The following SRRM3 variants were observed in gnomAD, a reference collection of about 807,000 sequenced individuals.
SRRM3 encodes serine/arginine repetitive matrix 3, also known as serine/arginine repetitive matrix protein 3.
In SRRM3, 27 loss-of-function variants were observed where a neutral mutation model predicts 66.2. The ratio of observed to expected loss-of-function variants is 0.41; its 90% CI spans 0.30 to 0.56. The LOEUF is 0.56. Among genes scored for constraint, SRRM3 ranks in the 20% least tolerant of loss-of-function variants. The pLI, the probability that SRRM3 is intolerant of heterozygous loss-of-function variation, is 0.32. For synonymous variants in SRRM3, 391 were observed against 414.9 expected, an observed-to-expected ratio of 0.94 and a Z score of 0.70; for missense variants, 918 against 991.9, an observed-to-expected ratio of 0.93 and a Z score of 1.00.
intron 2 of SRRM3, among the ~76,000 whole-genome samples, chr7:76,240,688 C>T (rs1247876131): frequency 3.3e-5 from 5 of 152,142 alleles, no homozygotes; most frequent in African/African-American, 1.2e-4. Flanking sequence ...TCACCCTACT[C>T]CTGTCCCAGA....
intron 11 of SRRM3, among the ~76,000 whole-genome samples, chr7:76,279,242 G>C (rs1202109995): frequency 6.6e-6 from 1 of 152,110 alleles, no homozygotes; most frequent in Non-Finnish European, 1.5e-5. Context: ...CTGAGAGACA[G>C]AGTGAGATGC....
intron 3 of SRRM3, among the ~76,000 whole-genome samples, chr7:76,257,687 C>T (rs1049293528): frequency 2.0e-5 from 3 of 151,542 alleles, no homozygotes; most frequent in South Asian, 2.1e-4. Context: ...GTGGGAGGAT[C>T]GCTTGAGGCC....
At chr7:76,222,645 G>A (rs1563611526) in intron 1 of SRRM3, among the ~76,000 whole-genome samples, 1 of 151,648 alleles carries the variant, frequency 6.6e-6, no homozygotes, top group Non-Finnish European at 1.5e-5. Flanking sequence ...TTTTTGAGAT[G>A]GAGTCTCCCT....
chr7:76,264,710 C>T (rs1801964952), intron 8 of SRRM3, 55 bp from the exon 9 acceptor site: 31 of 1,594,200 alleles, frequency 1.9e-5, no homozygotes, highest in Admixed American at 3.4e-5. Flanking sequence ...CTCCAGGGCA[C>T]GAAGGCCACA....
In SRRM3 at chr7:76,287,175, G is replaced by C. The variant is rs896974804; in HGVS notation, c.*1332G>C. ...CAGGCAGATGCCCCGGGCTCCAGTG[G>C]GGGGAGGGGTCTGGGGTCTGGTCCG... On this transcript the variant is annotated 3_prime_UTR_variant, in exon 15 of 15. Coordinates refer to ENST00000611745, the MANE Select transcript of SRRM3 (RefSeq NM_001110199.3). 4 of 152,812 alleles carry C rather than the reference G, an allele frequency of 2.6e-5. No homozygotes were observed. Among genetic ancestry groups the C allele is most frequent in the East Asian group, 3.8e-4 (2 of 5,208 alleles). The allele number at this position is 152,812 out of a possible 1,614,324, so 9.5% of individuals were successfully genotyped here.
intron 5 of SRRM3, 130 bp from the exon 6 acceptor site, chr7:76,260,744 G>A (rs1226637515): frequency 1.2e-6 from 1 of 841,404 alleles, no homozygotes; most frequent in African/African-American, 1.7e-5. Context: ...TGGGGAGGAG[G>A]GGCCTCATCT....
At chr7:76,251,198 T>C (rs2117033822) in intron 3 of SRRM3, among the ~76,000 whole-genome samples, 1 of 152,342 alleles carries the variant, frequency 6.6e-6, no homozygotes, top group Non-Finnish European at 1.5e-5. Flanking sequence ...ATGCTCTTTG[T>C]CCTTTTGTAG....
rs1801352840 is a variant in SRRM3 at position 76,243,200 on chromosome 7, C to T, written c.234-4988C>T. ...TTAGAAGCTAAGGCTGGGAGAAGCACATGGACTTGCCCAAGGCCACAGAAC... is the reference window on the plus strand; with the variant it reads ...TTAGAAGCTAAGGCTGGGAGAAGCATATGGACTTGCCCAAGGCCACAGAAC... On this transcript the variant is annotated intron_variant, in intron 2 of 14. Coordinates refer to ENST00000611745, the MANE Select transcript of SRRM3 (RefSeq NM_001110199.3). Among the ~76,000 whole-genome samples the T allele has an allele frequency of 2.0e-5, 3 of 152,190 alleles. No individual in the cohort carries two copies. In the South Asian group the frequency reaches 6.2e-4, roughly 32 times the overall value.
chr7:76,285,721 G>GGCCACA lies in SRRM3; in HGVS notation c.1846_1851dup (p.Ser616_His617dup). The GGCCACA allele has an allele frequency of 1.9e-6, 3 of 1,550,760 alleles. No individual in the cohort carries two copies. Among genetic ancestry groups the GGCCACA allele is most frequent in the South Asian group, 2.4e-5 (2 of 84,028 alleles). ...GAGCCACAGCCGCAGCCCCAGCCCC[G>GGCCACA]GCCACAGCCACGGGAGCTACAGCAG... is the stretch of plus-strand genomic sequence containing the variant. On this transcript the variant is annotated inframe_insertion, in exon 15 of 15. Coordinates refer to ENST00000611745, the MANE Select transcript of SRRM3 (RefSeq NM_001110199.3). The surrounding 1 kb of genome is among the most constrained non-coding windows in gnomAD (Gnocchi z 4.1).
At chr7:76,277,185 T>C (rs1481235619) in intron 11 of SRRM3, among the ~76,000 whole-genome samples, 1 of 152,100 alleles carries the variant, frequency 6.6e-6, no homozygotes, top group African/African-American at 2.4e-5. Flanking sequence ...GCACAGGGGA[T>C]TGGACTTGGG....
At chr7:76,207,990 C>T (rs1177954763) in intron 1 of SRRM3, among the ~76,000 whole-genome samples, 4 of 152,220 alleles carry the variant, frequency 2.6e-5, no homozygotes, top group African/African-American at 9.6e-5. Flanking sequence ...TGCCCCTGCC[C>T]TGTCCCTCTT....
chr7:76,235,109 A>T lies in SRRM3; in HGVS notation c.43A>T (p.Thr15Ser). The change falls in exon 2 of 15, where the codon ACA (threonine) becomes TCA (serine). Residue 15 changes from threonine (T) to serine (S), a missense_variant. Coordinates refer to ENST00000611745, the MANE Select transcript of SRRM3 (RefSeq NM_001110199.3). ...VNNGAASMQS[T>S]PDAANGFPQP... Reference sequence around the variant, plus strand: ...CAACGGGGCGGCCAGCATGCAGTCCACACCCGACGCCGCGAACGGCTTCCC... The same window carrying T: ...CAACGGGGCGGCCAGCATGCAGTCCTCACCCGACGCCGCGAACGGCTTCCC... The T allele has an allele frequency of 6.3e-7, 1 of 1,587,792 alleles. No homozygotes were observed. Among genetic ancestry groups the T allele is most frequent in the Non-Finnish European group, 8.5e-7 (1 of 1,172,304 alleles).
At chr7:76,261,311 CCCA>C in intron 6 of SRRM3, 38 bp from the exon 7 acceptor site, 1 of 367,040 alleles carries the variant, frequency 2.7e-6, no homozygotes, top group Non-Finnish European at 5.3e-6. Flanking sequence ...CCCCCCACCC[CCCA>C]CCCCAGCTCA....
At chr7:76,243,278 C>T (rs1801354577) in intron 2 of SRRM3, among the ~76,000 whole-genome samples, 1 of 152,158 alleles carries the variant, frequency 6.6e-6, no homozygotes, top group South Asian at 2.1e-4. Context: ...GCTCCTCTGT[C>T]TCTCCCCGTC....
At chr7:76,230,087 C>A (rs1468205650) in intron 1 of SRRM3, among the ~76,000 whole-genome samples, 2 of 152,094 alleles carry the variant, frequency 1.3e-5, no homozygotes, top group Non-Finnish European at 2.9e-5. Context: ...GCTACTGAGT[C>A]CTTTTAGATT....
At chr7:76,216,558 G>C (rs989434498) in intron 1 of SRRM3, among the ~76,000 whole-genome samples, 9 of 152,228 alleles carry the variant, frequency 5.9e-5, no homozygotes, top group African/African-American at 2.2e-4. Flanking sequence ...TGCTTACATG[G>C]AGCAGAGGAG....
intron 5 of SRRM3, among the ~76,000 whole-genome samples, chr7:76,260,424 TC>T (rs1801830354): frequency 3.5e-4 from 2 of 5,694 alleles, no homozygotes; most frequent in Admixed American, 4.3e-3. Flanking sequence ...GACAAGCCCC[TC>T]CCCTTCGCTA....
intron 11 of SRRM3, chr7:76,270,010 G>T (rs1381149367): frequency 6.6e-6 from 1 of 151,788 alleles, no homozygotes; most frequent in Non-Finnish European, 1.5e-5. Context: ...CACACCAACA[G>T]CTCCTGCCAA....
rs193207881 is a variant in SRRM3 at position 76,277,368 on chromosome 7, G to A, written c.1009-4073G>A. ...CCCATCACGGCCTGTGGTCTTCCTC[G>A]CCTACTGTTGGCTCCTTTCTTTGAG... On this transcript the variant is annotated intron_variant, in intron 11 of 14. Transcript: ENST00000611745. 1.5e-3 allele frequency among the ~76,000 whole-genome samples: 229 copies of A among 152,250 alleles called. 6 individuals carry two copies. The highest frequency in any genetic ancestry group is 0.013 in the Admixed American group (204 of 15,284).
Sources: allele counts gnomAD v4.1 joint callset (sites outside exome capture counted in the v4.1 genomes callset), GRCh38; gene constraint gnomAD v4.1.1; non-coding constraint Gnocchi (gnomAD v3.1); transcripts MANE v1.5; gene names NCBI Gene and HGNC (gene_info 2026-07-23, HGNC 2026-07-21).